The following WWOX variants were observed in gnomAD, a reference collection of about 807,000 sequenced individuals.
The protein encoded by WWOX is WW domain-containing oxidoreductase.
In WWOX, 69 loss-of-function variants were observed where a neutral mutation model predicts 46.2. That is an observed-to-expected ratio of 1.49 (90% CI 1.23 to 1.82). The LOEUF is 1.82. WWOX is among the 40% of genes most tolerant of loss of function. WWOX has a pLI of 0.00. For synonymous variants in WWOX, 359 were observed against 202.6 expected (o/e 1.77, Z -6.56); for missense variants, 919 against 542.6 (o/e 1.69, Z -6.89).
chr16:79,091,751 G>C (rs2048964144), intron 8 of WWOX, among the ~76,000 whole-genome samples: 1 of 150,364 alleles, frequency 6.7e-6, no homozygotes, highest in South Asian at 2.1e-4. Context: ...GCACACACCC[G>C]ACCGCATCTT....
rs115181196 is a variant in WWOX, at chr16:78,160,044, A to G, written c.410-4139A>G. ...TAGCTTCTTTTTTTCTCTGTATTTTATGTTTGTTTTAGATTTATAAGTTTC... is the reference window on the plus strand; with the variant it reads ...TAGCTTCTTTTTTTCTCTGTATTTTGTGTTTGTTTTAGATTTATAAGTTTC... On this transcript the variant is annotated intron_variant, in intron 4 of 8. Coordinates refer to ENST00000566780, the MANE Select transcript of WWOX (RefSeq NM_016373.4). Among the ~76,000 whole-genome samples, 1,355 of 150,320 alleles carry G rather than the reference A, an allele frequency of 9.0e-3. 10 individuals carry two copies. Among genetic ancestry groups the G allele is most frequent in the Middle Eastern group, 0.021 (6 of 292 alleles).
intron 4 of WWOX, chr16:78,123,456 T>TTTTTTTTTTTTTTTTTTTTTTG (rs2033215930): frequency 2.1e-4 from 3 of 14,436 alleles, no homozygotes; most frequent in African/African-American, 2.3e-4. Context: ...TTTTTTTTTG[T>TTTTTTTTTTTTTTTTTTTTTTG]TTTTTTTTTT....
chr16:78,921,298 T>A (rs1471874236), intron 8 of WWOX, among the ~76,000 whole-genome samples: 2 of 152,188 alleles, frequency 1.3e-5, no homozygotes, highest in Non-Finnish European at 2.9e-5. Flanking sequence ...ATTTTGCCAT[T>A]ACTTTTCACT....
At chr16:78,859,673 C>T (rs548115742) in intron 8 of WWOX, among the ~76,000 whole-genome samples, 4 of 152,162 alleles carry the variant, frequency 2.6e-5, no homozygotes, top group East Asian at 3.9e-4. Flanking sequence ...AAGAGCAGGG[C>T]GAGTAATGTA....
chr16:78,772,310 G>A (rs1433389224), intron 8 of WWOX, among the ~76,000 whole-genome samples: 3 of 152,124 alleles, frequency 2.0e-5, no homozygotes, highest in African/African-American at 7.2e-5. Flanking sequence ...TTCTCTTCCT[G>A]CATTAGTTTG....
chr16:78,699,111 T>C (rs1463749364), intron 8 of WWOX, among the ~76,000 whole-genome samples: 2 of 152,322 alleles, frequency 1.3e-5, no homozygotes, highest in East Asian at 3.9e-4. Flanking sequence ...CCATAGGCAA[T>C]ACACAAATCA....
chr16:78,289,158 C>T (rs2079819572), intron 5 of WWOX, among the ~76,000 whole-genome samples: 1 of 152,154 alleles, frequency 6.6e-6, no homozygotes, highest in South Asian at 2.1e-4. Flanking sequence ...TTGGTGCTGG[C>T]AGCGTCACTA....
intron 8 of WWOX, among the ~76,000 whole-genome samples, chr16:79,028,311 G>A (rs542131288): frequency 1.3e-5 from 2 of 151,898 alleles, no homozygotes; most frequent in South Asian, 2.1e-4. Flanking sequence ...AAGTTCCCCT[G>A]GATGTAGTTG....
chr16:78,849,345 G>A (rs1485303176), intron 8 of WWOX, among the ~76,000 whole-genome samples: 5 of 150,708 alleles, frequency 3.3e-5, no homozygotes, highest in Admixed American at 1.3e-4. Context: ...CCGAGGCGGG[G>A]GGGATCACGA....
intron 5 of WWOX, among the ~76,000 whole-genome samples, chr16:78,186,131 A>C (rs1325412243): frequency 1.3e-5 from 2 of 152,096 alleles, no homozygotes; most frequent in Non-Finnish European, 2.9e-5. Flanking sequence ...AGACAGTATA[A>C]AAAAATCTTA....
intron 8 of WWOX, among the ~76,000 whole-genome samples, chr16:79,165,841 C>T (rs1224528550): frequency 1.3e-5 from 2 of 152,138 alleles, no homozygotes; most frequent in Non-Finnish European, 2.9e-5. Context: ...GTCGCCGAAC[C>T]GGGAACAGGG....
chr16:78,956,221 C>T (rs1231472357), intron 8 of WWOX, among the ~76,000 whole-genome samples: 1 of 152,158 alleles, frequency 6.6e-6, no homozygotes, highest in Non-Finnish European at 1.5e-5. Flanking sequence ...CCTCAGCTCA[C>T]TGTAGCCTTG....
At chr16:78,571,863 C>A (rs1032527126) in intron 8 of WWOX, among the ~76,000 whole-genome samples, 1 of 151,988 alleles carries the variant, frequency 6.6e-6, no homozygotes, top group Non-Finnish European at 1.5e-5. Flanking sequence ...TAGATTCCAT[C>A]TCAAAAAAAG....
Position 78,956,105 on chromosome 16 carries a change from A to G in WWOX, c.1057-255503A>G, listed in dbSNP as rs538004185. Among the ~76,000 whole-genome samples the G allele has an allele frequency of 5.3e-5, 8 of 152,124 alleles. No homozygotes were observed. The East Asian group carries it at 1.2e-3, about 22-fold the overall frequency. On this transcript the variant is annotated intron_variant, in intron 8 of 8. Coordinates refer to ENST00000566780, the MANE Select transcript of WWOX (RefSeq NM_016373.4). ...ACCTCCGGCAGAGCCCTGGCTCACT[A>G]TCTACATCCCCACTAGATCCATGTA...
chr16:78,159,671 G>GTTTTTTTT (rs1343670783), intron 4 of WWOX, among the ~76,000 whole-genome samples: 122 of 84,408 alleles, frequency 1.4e-3, no homozygotes, highest in Non-Finnish European at 1.9e-3. Flanking sequence ...TAAAATCTGT[G>GTTTTTTTT]GTTTTTTTTT....
intron 8 of WWOX, among the ~76,000 whole-genome samples, chr16:78,573,173 C>G (rs1036677815): frequency 6.6e-6 from 1 of 152,068 alleles, no homozygotes; most frequent in African/African-American, 2.4e-5. Context: ...GTAGTCCCAG[C>G]TGCTCAGGAG....
chr16:78,254,516 T>G (rs1274946832), intron 5 of WWOX, among the ~76,000 whole-genome samples: 50 of 139,204 alleles, frequency 3.6e-4, no homozygotes, highest in Non-Finnish European at 4.5e-4. Context: ...TTTTTTTTTT[T>G]TTTGTTTGAC....
At chr16:78,477,305 C>T (rs1343339450) in intron 8 of WWOX, among the ~76,000 whole-genome samples, 3 of 151,942 alleles carry the variant, frequency 2.0e-5, no homozygotes, top group South Asian at 4.2e-4. Flanking sequence ...AAGCAGTAAC[C>T]GCATATAAAA....
At chr16:78,358,953 G>C (rs1295685827) in intron 5 of WWOX, among the ~76,000 whole-genome samples, 1 of 144,786 alleles carries the variant, frequency 6.9e-6, no homozygotes, top group Non-Finnish European at 1.5e-5. Context: ...GTACTGACTT[G>C]ACATTATAGC....
Sources: gnomAD v4.1 joint callset for allele counts (sites outside exome capture counted in the v4.1 genomes callset) on GRCh38, gnomAD v4.1.1 for gene constraint, MANE v1.5 for transcripts, NCBI Gene and HGNC (gene_info 2026-07-23, HGNC 2026-07-21) for gene names.